The following NFATC1 variants were observed in gnomAD, a reference collection of about 807,000 sequenced individuals.
The protein encoded by NFATC1 is nuclear factor of activated T-cells, cytoplasmic 1.
NFATC1 carries 22 observed loss-of-function variants against 76.0 expected under a neutral mutation model. That is an observed-to-expected ratio of 0.29 (90% confidence interval 0.21 to 0.41). NFATC1 has a LOEUF of 0.41. Among genes scored for constraint, NFATC1 ranks in the 10% least tolerant of loss-of-function variants. The pLI is 1.00. For synonymous variants in NFATC1, 704 were observed against 613.1 expected (o/e 1.15, Z -2.19); for missense variants, 1,357 against 1,337.7 (o/e 1.01, Z -0.23).
Position 79,467,480 on chromosome 18 carries a change from C to A in NFATC1, c.1990C>A (p.Arg664=). 1.2e-6 allele frequency: 2 copies of A among 1,609,378 alleles called. No individual in the cohort carries two copies. The highest frequency in any genetic ancestry group is 1.7e-6 in the Non-Finnish European group (2 of 1,176,594). Residue 664 remains arginine, a synonymous_variant, in exon 8 of 10, where the codon CGG becomes AGG. Transcript: ENST00000427363. ...TCTGGTGGTTGAGATCCCGCCATTT[C>A]GGAATCAGAGGATAACCAGCCCCGT... ...NSLVVEIPPF[R]NQRITSPVHV...
intron 1 of NFATC1, among the ~76,000 whole-genome samples, chr18:79,400,056 C>A (rs1044474352): frequency 6.6e-6 from 1 of 152,030 alleles, no homozygotes. Context: ...ACGCCCCTAC[C>A]CCCGGGTCCG....
At chr18:79,444,623 G>A (rs1161497082) in intron 3 of NFATC1, among the ~76,000 whole-genome samples, 1 of 152,246 alleles carries the variant, frequency 6.6e-6, no homozygotes, top group Non-Finnish European at 1.5e-5. Context: ...CACTGCTCAC[G>A]TACAACCTGG....
At chr18:79,400,790 C>T (rs1600576067) in intron 1 of NFATC1, among the ~76,000 whole-genome samples, 1 of 112,558 alleles carries the variant, frequency 8.9e-6, no homozygotes, top group South Asian at 3.2e-4. Context: ...GACACCCTCT[C>T]CCCGCCCCGC....
chr18:79,469,537 A>G, intron 8 of NFATC1: 2 of 985,886 alleles, frequency 2.0e-6, no homozygotes, highest in South Asian at 9.4e-5. Context: ...GTCCTGTCCT[A>G]CCAGCCACAC....
intron 3 of NFATC1, among the ~76,000 whole-genome samples, chr18:79,447,601 G>A (rs995553851): frequency 9.9e-5 from 15 of 152,164 alleles, no homozygotes; most frequent in African/African-American, 1.9e-4. Context: ...GGCGCTCATC[G>A]GGCCCCACTT....
At chr18:79,406,988 C>T (rs2085464741) in intron 1 of NFATC1, among the ~76,000 whole-genome samples, 1 of 152,206 alleles carries the variant, frequency 6.6e-6, no homozygotes, top group African/African-American at 2.4e-5. Context: ...GGGTCTGATG[C>T]AGCCGGCTCA....
Position 79,451,525 on chromosome 18 carries a change from G to C in NFATC1, c.1763-151G>C, listed in dbSNP as rs114045111. 1,259 of 747,418 alleles carry C rather than the reference G, an allele frequency of 1.7e-3. 14 individuals carry two copies. The African/African-American group carries it at 0.02, about 12-fold the overall frequency. 46.3% of individuals were successfully genotyped at this position (747,418 alleles called of 1,614,324 possible). On this transcript the variant is annotated intron_variant, in intron 5 of 9. Coordinates refer to ENST00000427363, the MANE Select transcript of NFATC1 (RefSeq NM_001278669.2). Reference sequence around the variant, plus strand: ...TGAAGTGTGCACGGCTTCTCCCCTAGAAGTAGTGGCATCCGCAGGGGTCGG... The same window carrying C: ...TGAAGTGTGCACGGCTTCTCCCCTACAAGTAGTGGCATCCGCAGGGGTCGG...
chr18:79,401,664 C>T (rs2085261848), intron 1 of NFATC1, among the ~76,000 whole-genome samples: 1 of 152,242 alleles, frequency 6.6e-6, no homozygotes, highest in Non-Finnish European at 1.5e-5. Flanking sequence ...GAGTGTCGCC[C>T]CACTCCCGAC....
chr18:79,408,951 C>CT, intron 1 of NFATC1, among the ~76,000 whole-genome samples: 1 of 138,494 alleles, frequency 7.2e-6, no homozygotes, highest in Non-Finnish European at 1.6e-5. Context: ...ATTCATTCAT[C>CT]ATCCATCCAT....
chr18:79,428,370 A>T (rs1443703599), intron 2 of NFATC1, among the ~76,000 whole-genome samples: 1 of 152,190 alleles, frequency 6.6e-6, no homozygotes, highest in African/African-American at 2.4e-5. Context: ...AACTGCCTTG[A>T]TATATCACAT....
At chr18:79,442,219 G>A (rs1034503535) in intron 3 of NFATC1, among the ~76,000 whole-genome samples, 4 of 152,236 alleles carry the variant, frequency 2.6e-5, no homozygotes, top group Non-Finnish European at 5.9e-5. Context: ...CTTCCGGAGA[G>A]ACGTGGAGAC....
intron 2 of NFATC1, among the ~76,000 whole-genome samples, chr18:79,431,553 T>A (rs1010205844): frequency 1.3e-5 from 2 of 152,010 alleles, no homozygotes; most frequent in African/African-American, 4.8e-5. Context: ...GTCCTGCTCA[T>A]GTTTTTATTT....
intron 2 of NFATC1, among the ~76,000 whole-genome samples, chr18:79,419,919 T>C (rs1434195822): frequency 1.3e-5 from 2 of 152,236 alleles, no homozygotes; most frequent in Non-Finnish European, 2.9e-5. Flanking sequence ...TTTTTTGGAT[T>C]CTTGAGCAAA....
At chr18:79,447,015 C>G (rs1000699565) in intron 3 of NFATC1, among the ~76,000 whole-genome samples, 7 of 152,256 alleles carry the variant, frequency 4.6e-5, no homozygotes, top group Admixed American at 4.6e-4. Flanking sequence ...CACGGTCAGG[C>G]CCTCAGTGAC....
chr18:79,522,810 C>T (rs2090649725), intron 9 of NFATC1, among the ~76,000 whole-genome samples: 1 of 152,174 alleles, frequency 6.6e-6, no homozygotes, highest in African/African-American at 2.4e-5. Flanking sequence ...AGTCGTCCCC[C>T]AGGCACCAGC....
chr18:79,444,195 G>A (rs1277367295), intron 3 of NFATC1, among the ~76,000 whole-genome samples: 3 of 151,980 alleles, frequency 2.0e-5, no homozygotes, highest in Admixed American at 6.5e-5. Context: ...CACATGTGGT[G>A]TGTGTGTGTG....
At chr18:79,482,373 G>C (rs1279412042) in intron 8 of NFATC1, among the ~76,000 whole-genome samples, 52 of 73,614 alleles carry the variant, frequency 7.1e-4, no homozygotes, top group African/African-American at 2.1e-3. Context: ...CCAGTGTGAC[G>C]TGGTCCTGGG....
chr18:79,423,115 G>C (rs1259447519), intron 2 of NFATC1, among the ~76,000 whole-genome samples: 1 of 151,806 alleles, frequency 6.6e-6, no homozygotes, highest in Non-Finnish European at 1.5e-5. Context: ...GGCGCGTACA[G>C]AGGGGATGAC....
chr18:79,430,454 C>T (rs777252996), intron 2 of NFATC1, among the ~76,000 whole-genome samples: 1 of 152,224 alleles, frequency 6.6e-6, no homozygotes, highest in Non-Finnish European at 1.5e-5. Context: ...GCAATTTCGG[C>T]TCACTGCAGC....
Sources: allele counts gnomAD v4.1 joint callset (sites outside exome capture counted in the v4.1 genomes callset), GRCh38; gene constraint gnomAD v4.1.1; transcripts MANE v1.5; gene names NCBI Gene and HGNC (gene_info 2026-07-23, HGNC 2026-07-21).